Variants in LARS2 observed in about 807,000 individuals in gnomAD.
LARS2 encodes the protein leucyl-tRNA synthetase 2, mitochondrial.
LARS2 carries 81 observed loss-of-function variants against 116.6 expected under a neutral mutation model. The ratio of observed to expected loss-of-function variants is 0.69; its 90% confidence interval spans 0.58 to 0.84. LARS2 has a LOEUF of 0.84. LARS2 is among the 40% of genes least tolerant of loss of function. LARS2 has a pLI of 0.00. For synonymous variants in LARS2, 396 were observed against 407.2 expected (o/e 0.97, Z 0.33); for missense variants, 968 against 1,114.5 (o/e 0.87, Z 1.87).
chr3:45,510,961 T>A (rs1406062614), intron 15 of LARS2, among the ~76,000 whole-genome samples: 3 of 152,154 alleles, frequency 2.0e-5, no homozygotes, highest in African/African-American at 7.2e-5. Flanking sequence ...AAGAAATAAG[T>A]GATACATTTC....
chr3:45,420,479 A>G (rs1161629630), intron 6 of LARS2, among the ~76,000 whole-genome samples: 1 of 152,138 alleles, frequency 6.6e-6, no homozygotes, highest in African/African-American at 2.4e-5. Flanking sequence ...TGGGCCTGTC[A>G]AGTTTATATT....
At chr3:45,463,263 G>A (rs370870920) in intron 8 of LARS2, among the ~76,000 whole-genome samples, 1 of 152,234 alleles carries the variant, frequency 6.6e-6, no homozygotes, top group Non-Finnish European at 1.5e-5. Flanking sequence ...TGCTGACTCC[G>A]CTGGCCCCTC....
intron 2 of LARS2, 105 bp downstream of exon 2, chr3:45,391,753 C>T (rs186524490): frequency 5.3e-5 from 8 of 152,190 alleles, no homozygotes; most frequent in Admixed American, 4.6e-4. Flanking sequence ...CTTTTAAATA[C>T]CCAGATCTGT....
intron 10 of LARS2, among the ~76,000 whole-genome samples, chr3:45,481,908 C>T (rs1167301162): frequency 3.3e-5 from 5 of 152,050 alleles, no homozygotes; most frequent in Admixed American, 1.3e-4. Context: ...ATATCTAAAA[C>T]GCTATTGCCT....
At chr3:45,472,492 A>T (rs151073483) in intron 8 of LARS2, among the ~76,000 whole-genome samples, 28 of 152,310 alleles carry the variant, frequency 1.8e-4, no homozygotes, top group African/African-American at 6.7e-4. Flanking sequence ...ATAAAGAGAG[A>T]GGATTCTGAT....
intron 14 of LARS2, among the ~76,000 whole-genome samples, chr3:45,497,559 C>T (rs1700036028): frequency 6.6e-6 from 1 of 152,132 alleles, no homozygotes; most frequent in Non-Finnish European, 1.5e-5. Flanking sequence ...CTCACCCTGC[C>T]AGAATTTCAA....
intron 4 of LARS2, 70 bp from the exon 5 acceptor site, chr3:45,417,412 G>T: frequency 8.6e-7 from 1 of 1,166,172 alleles, no homozygotes; most frequent in South Asian, 1.2e-5. Flanking sequence ...TGCTGAGTTT[G>T]CCCCAGAAGA....
intron 6 of LARS2, among the ~76,000 whole-genome samples, chr3:45,427,470 C>G (rs1391530879): frequency 6.6e-6 from 1 of 152,076 alleles, no homozygotes; most frequent in African/African-American, 2.4e-5. Context: ...AGGTAGGAAT[C>G]AAAATACAGG....
intron 4 of LARS2, among the ~76,000 whole-genome samples, chr3:45,412,900 GC>G (rs900356604): frequency 5.9e-5 from 9 of 152,244 alleles, no homozygotes; most frequent in African/African-American, 1.9e-4. Flanking sequence ...TTGGAGGCAG[GC>G]CCCATCCTTC....
chr3:45,441,891 A>T (rs1478750120), intron 6 of LARS2, among the ~76,000 whole-genome samples: 1 of 152,176 alleles, frequency 6.6e-6, no homozygotes, highest in Non-Finnish European at 1.5e-5. Flanking sequence ...TGTGCAAAAT[A>T]TTTTTAATGC....
chr3:45,541,191 C>T (rs549504296), intron 20 of LARS2, among the ~76,000 whole-genome samples: 1 of 152,256 alleles, frequency 6.6e-6, no homozygotes, highest in South Asian at 2.1e-4. Flanking sequence ...TTGGGGGCTG[C>T]GGCACGAAGC....
intron 19 of LARS2, 106 bp from the exon 20 acceptor site, chr3:45,523,891 T>TAGGAAGAAA: frequency 1.3e-6 from 1 of 765,656 alleles, no homozygotes; most frequent in Non-Finnish European, 2.2e-6. Context: ...AAAGGGGGTT[T>TAGGAAGAAA]CTTCCTACCA....
At chr3:45,530,406 C>G (rs1309055392) in intron 20 of LARS2, among the ~76,000 whole-genome samples, 1 of 151,982 alleles carries the variant, frequency 6.6e-6, no homozygotes, top group Admixed American at 6.6e-5. Context: ...TGTGAAGTCA[C>G]ATACTCAGGA....
intron 15 of LARS2, among the ~76,000 whole-genome samples, chr3:45,500,888 G>C (rs1258676636): frequency 6.6e-6 from 1 of 152,018 alleles, no homozygotes; most frequent in Non-Finnish European, 1.5e-5. Flanking sequence ...TCTCATGTGA[G>C]GTCATGCTTA....
intron 6 of LARS2, among the ~76,000 whole-genome samples, chr3:45,420,427 A>T (rs1698496454): frequency 6.6e-6 from 1 of 152,230 alleles, no homozygotes; most frequent in Non-Finnish European, 1.5e-5. Flanking sequence ...AGTCCCTCTT[A>T]ACATCCCATT....
At chr3:45,493,464 C>T (rs1699959127) in intron 13 of LARS2, among the ~76,000 whole-genome samples, 1 of 152,154 alleles carries the variant, frequency 6.6e-6, no homozygotes, top group Non-Finnish European at 1.5e-5. Flanking sequence ...AGCAAGGCAG[C>T]CCAGTGGTAC....
intron 6 of LARS2, among the ~76,000 whole-genome samples, chr3:45,423,774 T>A (rs1396427652): frequency 6.6e-6 from 1 of 152,226 alleles, no homozygotes; most frequent in African/African-American, 2.4e-5. Context: ...AACTTTGTTT[T>A]AACTCTTGGT....
At chr3:45,447,492 T>C (rs926099817) in intron 7 of LARS2, among the ~76,000 whole-genome samples, 27 of 152,140 alleles carry the variant, frequency 1.8e-4, no homozygotes, top group African/African-American at 6.3e-4. Flanking sequence ...ATGTTATTAT[T>C]GTGGGAATGA....
At chr3:45,390,349 G>A (rs1459436528) in intron 1 of LARS2, among the ~76,000 whole-genome samples, 2 of 151,406 alleles carry the variant, frequency 1.3e-5, no homozygotes, top group East Asian at 3.9e-4. Flanking sequence ...GTCTTGCCCC[G>A]TCGCCCAGGC....
Sources: allele counts gnomAD v4.1 joint callset (sites outside exome capture counted in the v4.1 genomes callset), GRCh38; gene constraint gnomAD v4.1.1; transcripts MANE v1.5; gene names NCBI Gene and HGNC (gene_info 2026-07-23, HGNC 2026-07-21).